PC: variants seen among roughly 807,000 people sequenced by gnomAD.
The protein encoded by PC is pyruvate carboxylase, mitochondrial.
In PC, 46 loss-of-function variants were observed where a neutral mutation model predicts 107.8. The observed-to-expected ratio is 0.43, with a 90% CI of 0.34 to 0.55. The LOEUF (loss-of-function observed/expected upper bound fraction) is 0.55. Ranked by LOEUF, PC falls within the 20% of genes least tolerant of loss-of-function variation. The pLI is 0.04. For synonymous variants in PC, 662 were observed against 684.7 expected, an observed-to-expected ratio of 0.97 and a Z score of 0.52; for missense variants, 1,241 against 1,643.1, an observed-to-expected ratio of 0.76 and a Z score of 4.23.
Position 66,852,972 on chromosome 11 carries a change from T to C in PC, c.1514-136A>G. 7 of 769,758 alleles carry C rather than the reference T, an allele frequency of 9.1e-6. No homozygotes were observed. The highest frequency in any genetic ancestry group is 2.7e-5 in the East Asian group (1 of 37,120). The allele number at this position is 769,758 out of a possible 1,614,324, so 47.7% of individuals were successfully genotyped here. On this transcript the variant is annotated intron_variant, in intron 13 of 22. Coordinates refer to ENST00000393960, the MANE Select transcript of PC (RefSeq NM_001040716.2). The surrounding 1 kb of genome is among the most constrained non-coding windows in gnomAD (Gnocchi z 4.7). ...GGGCTTCCAGCTGGCCCCTGTCCTCTCCAAAGCCAGGGCCTCCTGGGTACA... is the reference window on the plus strand; with the variant it reads ...GGGCTTCCAGCTGGCCCCTGTCCTCCCCAAAGCCAGGGCCTCCTGGGTACA...
In PC at chr11:66,913,675, A is replaced by G. The variant is rs562652377; in HGVS notation, c.-1+38755T>C. On this transcript the variant is annotated intron_variant, in intron 3 of 22. Coordinates refer to ENST00000393960, the MANE Select transcript of PC (RefSeq NM_001040716.2). ...GAAACTCTGTCTCAAAAAAAAAAAA[A>G]AAAGAAAGAAAGAAAGAAATACTGC... Among the ~76,000 whole-genome samples the G allele has an allele frequency of 8.7e-3, 1,320 of 151,490 alleles. 7 individuals carry two copies. Among genetic ancestry groups the G allele is most frequent in the African/African-American group, 0.014 (561 of 41,294 alleles).
chr11:66,875,177 C>T (rs879352503), intron 3 of PC, among the ~76,000 whole-genome samples: 1 of 148,996 alleles, frequency 6.7e-6, no homozygotes, highest in African/African-American at 2.5e-5. Flanking sequence ...TGACAGACGA[C>T]GCATGTCTGG....
rs1414333917 is a variant in PC, at chr11:66,858,559, C to A, written c.1369-5176G>T. The A allele has an allele frequency of 1.3e-6, 2 of 1,533,152 alleles. No homozygotes were observed. The highest frequency in any genetic ancestry group is 3.9e-5 in the Admixed American group (2 of 50,800). 95.0% of individuals were successfully genotyped at this position (1,533,152 alleles called of 1,614,324 possible). A position where few individuals can be genotyped will look rare whatever the true frequency, so the allele number is the denominator to read the frequency against. ...GCCGGCCGCTACTTCTGGGCAGTGC[C>A]CGAGGGCGAGTTCTCCTGTGAGCCG... On this transcript the variant is annotated intron_variant, in intron 12 of 22. Transcript: ENST00000393960. The surrounding 1 kb of genome is among the most constrained non-coding windows in gnomAD (Gnocchi z 5.9).
intron 3 of PC, among the ~76,000 whole-genome samples, chr11:66,903,299 C>T (rs1364833984): frequency 6.6e-6 from 1 of 152,112 alleles, no homozygotes; most frequent in Non-Finnish European, 1.5e-5. Flanking sequence ...ATTATGAAAA[C>T]AAGAATAATT....
At chr11:66,912,034 G>GAAAGA (rs55982722) in intron 3 of PC, among the ~76,000 whole-genome samples, 66,768 of 151,050 alleles carry the variant, frequency 0.44, 15,071 homozygotes, top group East Asian at 0.48. Flanking sequence ...CAAGAAAAAA[G>GAAAGA]AAAGAAAAGA....
intron 3 of PC, among the ~76,000 whole-genome samples, chr11:66,930,800 A>C (rs533671959): frequency 6.6e-5 from 10 of 152,210 alleles, no homozygotes; most frequent in Admixed American, 6.5e-4. Context: ...AGAGGAAAAA[A>C]AACAAAAGGC....
chr11:66,848,472 C>T lies in PC; in HGVS notation c.*427G>A, dbSNP rs949579128. ...CACCCATGGGGAGCTTGAAAGGCAG[C>T]CCCCCACTGCTGAGTGGTGCAGGCT... On this transcript the variant is annotated 3_prime_UTR_variant, in exon 23 of 23. Coordinates refer to ENST00000393960, the MANE Select transcript of PC (RefSeq NM_001040716.2). 2.6e-5 allele frequency: 14 copies of T among 539,728 alleles called. No individual in the cohort carries two copies. Among genetic ancestry groups the T allele is most frequent in the Admixed American group, 7.1e-5 (2 of 28,126 alleles). 33.4% of individuals were successfully genotyped at this position (539,728 alleles called of 1,614,324 possible). A position where few individuals can be genotyped will look rare whatever the true frequency, so the allele number is the denominator to read the frequency against.
At chr11:66,933,619 C>A (rs1328690057) in intron 3 of PC, among the ~76,000 whole-genome samples, 1 of 151,912 alleles carries the variant, frequency 6.6e-6, no homozygotes, top group Non-Finnish European at 1.5e-5. Flanking sequence ...TTAGAGCTCT[C>A]CAATCCCTCC....
At chr11:66,945,995 A>C (rs1350637885) in intron 3 of PC, among the ~76,000 whole-genome samples, 1 of 149,730 alleles carries the variant, frequency 6.7e-6, no homozygotes, top group Non-Finnish European at 1.5e-5. Context: ...CTGAGGCAGG[A>C]GAATGGCGTG....
intron 2 of PC, among the ~76,000 whole-genome samples, chr11:66,953,868 A>C (rs993174504): frequency 1.3e-5 from 2 of 152,198 alleles, no homozygotes; most frequent in African/African-American, 2.4e-5. Context: ...AGTTTCACCT[A>C]TGAGAGTCCG....
chr11:66,898,341 T>C (rs778956977), intron 3 of PC, among the ~76,000 whole-genome samples: 4 of 152,224 alleles, frequency 2.6e-5, no homozygotes, highest in Non-Finnish European at 5.9e-5. Context: ...TTTTAACAGC[T>C]TTACTGAGAT....
chr11:66,898,043 G>A (rs1263110852), intron 3 of PC, among the ~76,000 whole-genome samples: 1 of 152,206 alleles, frequency 6.6e-6, no homozygotes, highest in African/African-American at 2.4e-5. Context: ...GTTTTTTCAT[G>A]AGAGCAGCTA....
intron 3 of PC, among the ~76,000 whole-genome samples, chr11:66,891,432 T>A (rs1164014765): frequency 6.7e-6 from 1 of 149,674 alleles, no homozygotes; most frequent in Non-Finnish European, 1.5e-5. Flanking sequence ...TTGCTCTTGT[T>A]GCCCAGGCTG....
In PC at chr11:66,849,034, GCCCTTGGCCACCTTGGC is replaced by G. The variant is rs1945308539; in HGVS notation, c.3385_3401del (p.Ala1129ProfsTer37). On this transcript the variant is annotated frameshift_variant, in exon 23 of 23. Coordinates refer to ENST00000393960, the MANE Select transcript of PC (RefSeq NM_001040716.2). LOFTEE classifies it high-confidence loss of function. ...TGGCACTGAGCACACACAGGGGCTG[GCCCTTGGCCACCTTGGC>G]CCCTGCCACCACTTTGATGTCTATC... is the stretch of plus-strand genomic sequence containing the variant. 1.2e-6 allele frequency: 2 copies of G among 1,613,950 alleles called. No individual in the cohort carries two copies. The highest frequency in any genetic ancestry group is 1.7e-6 in the Non-Finnish European group (2 of 1,180,048).
In PC at chr11:66,933,811, G is replaced by A. The variant is rs1052553486; in HGVS notation, c.-1+18619C>T. ...CCATTCCCAGGCAGCCACCCACTCC[G>A]CCCAGAGGTTTTCCAAAAATCCCAT... On this transcript the variant is annotated intron_variant, in intron 3 of 22. Transcript: ENST00000393960. Among the ~76,000 whole-genome samples, 34 of 152,122 alleles carry A rather than the reference G, an allele frequency of 2.2e-4. 1 individual carries two copies. The Middle Eastern group carries it at 0.014, about 61-fold the overall frequency.
Position 66,849,754 on chromosome 11 carries a change from C to T in PC, c.3004G>A (p.Val1002Met), listed in dbSNP as rs1289376036. Residue 1002 changes from valine (V) to methionine (M), a missense_variant, in exon 21 of 23, where the codon GTG (valine) becomes ATG (methionine). By Grantham distance (21) the Val-to-Met change is conservative. This residue lies in a region of PC where 1,143 missense variants were observed against 1,551.9 expected (regional missense o/e 0.74). Coordinates refer to ENST00000393960, the MANE Select transcript of PC (RefSeq NM_001040716.2). The stretch of plus-strand genomic sequence containing the variant: ...GCTGAGAGCACATCTTCCGGCGTCA[C>T]CTCCTCCCCATGCCGGTCTACCAGC... The part of the protein sequence containing the change: ...KELVDRHGEE[V>M]TPEDVLSAAM... The T allele has an allele frequency of 9.9e-6, 16 of 1,614,098 alleles. No individual in the cohort carries two copies. In the East Asian group the frequency reaches 3.1e-4, roughly 31 times the overall value.
At chr11:66,862,377 A>T (rs1384464862) in intron 12 of PC, among the ~76,000 whole-genome samples, 1 of 152,238 alleles carries the variant, frequency 6.6e-6, no homozygotes, top group Admixed American at 6.5e-5. Context: ...GCGACCAAGC[A>T]GCCATGTGGA....
At chr11:66,943,777 A>G (rs2136138645) in intron 3 of PC, among the ~76,000 whole-genome samples, 1 of 147,394 alleles carries the variant, frequency 6.8e-6, no homozygotes, top group South Asian at 2.1e-4. Flanking sequence ...AAAAAAAAAA[A>G]AAAAAAAAGA....
intron 3 of PC, among the ~76,000 whole-genome samples, chr11:66,900,868 T>A (rs1947930616): frequency 6.6e-6 from 1 of 152,238 alleles, no homozygotes; most frequent in African/African-American, 2.4e-5. Context: ...CTCATTTAAT[T>A]CAAATAGATT....
Sources: gnomAD v4.1 joint callset for allele counts (sites outside exome capture counted in the v4.1 genomes callset) on GRCh38, gnomAD v4.1.1 for gene constraint, gnomAD v4.1.1 regional missense constraint, Gnocchi (gnomAD v3.1) non-coding constraint, MANE v1.5 for transcripts, NCBI Gene and HGNC (gene_info 2026-07-23, HGNC 2026-07-21) for gene names.